TGFA: variants seen among roughly 807,000 people sequenced by gnomAD.
TGFA encodes transforming growth factor alpha.
In TGFA, 12 loss-of-function variants were observed where a neutral mutation model predicts 21.7. That is an observed-to-expected ratio of 0.55 (90% CI 0.35 to 0.90). The LOEUF is 0.90. Ranked by LOEUF, TGFA falls within the 40% of genes least tolerant of loss-of-function variation. The probability of loss-of-function intolerance (pLI) is 0.01; values close to 1 mark genes in which losing one functional copy is unlikely to be tolerated. For missense variants in TGFA, 178 were observed against 210.8 expected (o/e 0.84, Z 0.96); for synonymous variants, 79 against 88.1 (o/e 0.90, Z 0.58).
intron 1 of TGFA, among the ~76,000 whole-genome samples, chr2:70,533,635 TTGTTAACTG>T (rs1672885236): frequency 6.6e-6 from 1 of 152,228 alleles, no homozygotes; most frequent in African/African-American, 2.4e-5. Flanking sequence ...GCTGCTGGTC[TTGTTAACTG>T]TGTTAACTAT....
chr2:70,464,059 A>G (rs1358878458), intron 3 of TGFA, among the ~76,000 whole-genome samples: 1 of 152,174 alleles, frequency 6.6e-6, no homozygotes, highest in Non-Finnish European at 1.5e-5. Context: ...GCTCAGAGGC[A>G]CCCTGAGGGG....
chr2:70,521,609 G>GTTGTTTTTTTTTTTTTTTTTTTTTT (rs1432347684), intron 1 of TGFA, among the ~76,000 whole-genome samples: 2 of 78,874 alleles, frequency 2.5e-5, no homozygotes, highest in Non-Finnish European at 4.8e-5. Context: ...TTTTGTTGTT[G>GTTGTTTTTTTTTTTTTTTTTTTTTT]TTTGTTTGTT....
At chr2:70,479,801 G>A (rs940950978) in intron 2 of TGFA, among the ~76,000 whole-genome samples, 3 of 152,104 alleles carry the variant, frequency 2.0e-5, no homozygotes, top group East Asian at 3.8e-4. Context: ...CTTTGTAGCT[G>A]TTTCTTACTT....
chr2:70,470,154 AAG>A (rs1414652291), intron 2 of TGFA, among the ~76,000 whole-genome samples: 42 of 152,036 alleles, frequency 2.8e-4, no homozygotes, highest in African/African-American at 9.2e-4. Flanking sequence ...TGAGAGCGAT[AAG>A]AGAGAGAAGG....
intron 1 of TGFA, among the ~76,000 whole-genome samples, chr2:70,529,601 G>A (rs1553503488): frequency 1.6e-5 from 2 of 128,290 alleles, no homozygotes; most frequent in Admixed American, 7.6e-5. Context: ...CCCCGCCCCA[G>A]TCCTAGAAAA....
chr2:70,525,783 G>T (rs1672615112), intron 1 of TGFA, among the ~76,000 whole-genome samples: 1 of 152,156 alleles, frequency 6.6e-6, no homozygotes, highest in Admixed American at 6.5e-5. Context: ...ACTGCTGGTA[G>T]CAGATGCCCC....
intron 1 of TGFA, among the ~76,000 whole-genome samples, chr2:70,515,793 AG>A (rs1553501523): frequency 6.6e-6 from 1 of 152,170 alleles, no homozygotes; most frequent in African/African-American, 2.4e-5. Context: ...AAGAAAACCT[AG>A]GGGAGGCAGG....
intron 2 of TGFA, among the ~76,000 whole-genome samples, chr2:70,470,589 A>G (rs868924382): frequency 6.6e-6 from 1 of 152,194 alleles, no homozygotes; most frequent in African/African-American, 2.4e-5. Flanking sequence ...CGTGTAAACC[A>G]TCAGTTCTTT....
At chr2:70,530,624 A>G (rs1434247685) in intron 1 of TGFA, among the ~76,000 whole-genome samples, 1 of 152,230 alleles carries the variant, frequency 6.6e-6, no homozygotes, top group Non-Finnish European at 1.5e-5. Context: ...GTCTAAGGTA[A>G]CCCCAGGTTT....
chr2:70,522,743 G>A (rs944803663), intron 1 of TGFA, among the ~76,000 whole-genome samples: 26 of 152,158 alleles, frequency 1.7e-4, no homozygotes, highest in African/African-American at 4.6e-4. Flanking sequence ...AGGGGTACAC[G>A]TGCAGGATGT....
intron 1 of TGFA, among the ~76,000 whole-genome samples, chr2:70,531,361 A>G (rs182476818): frequency 2.0e-5 from 3 of 152,020 alleles, no homozygotes; most frequent in Admixed American, 1.3e-4. Flanking sequence ...GTCTAACAGG[A>G]CTCCGTAGTG....
chr2:70,526,275 GT>G (rs1291544793), intron 1 of TGFA, among the ~76,000 whole-genome samples: 3 of 152,150 alleles, frequency 2.0e-5, no homozygotes, highest in Non-Finnish European at 4.4e-5. Context: ...TATTTATAAA[GT>G]AACAAGACTG....
At chr2:70,509,454 C>A (rs1433489369) in intron 2 of TGFA, among the ~76,000 whole-genome samples, 1 of 152,242 alleles carries the variant, frequency 6.6e-6, no homozygotes. Flanking sequence ...AGGGTCACCA[C>A]TGAGATCTGA....
intron 2 of TGFA, 142 bp downstream of exon 2, chr2:70,514,717 T>G: frequency 1.1e-6 from 1 of 891,908 alleles, no homozygotes; most frequent in Non-Finnish European, 1.8e-6. Flanking sequence ...TCCTCGCCCC[T>G]GAGGAGGGGG....
intron 2 of TGFA, among the ~76,000 whole-genome samples, chr2:70,482,624 C>G (rs1671158343): frequency 6.6e-6 from 1 of 152,184 alleles, no homozygotes; most frequent in African/African-American, 2.4e-5. Flanking sequence ...TAAATCATTA[C>G]TCTTAACCTA....
At chr2:70,486,172 A>G (rs2103770988) in intron 2 of TGFA, among the ~76,000 whole-genome samples, 1 of 152,264 alleles carries the variant, frequency 6.6e-6, no homozygotes. Context: ...GGAGGTCTAT[A>G]TTTTGCCTCC....
intron 1 of TGFA, chr2:70,553,340 G>A (rs2103968617): frequency 6.7e-7 from 1 of 1,493,598 alleles, no homozygotes; most frequent in Non-Finnish European, 8.8e-7. Flanking sequence ...GTTCCGAGGC[G>A]GCCCAGTCTA....
chr2:70,455,901 G>A (rs782550365), intron 4 of TGFA, among the ~76,000 whole-genome samples: 2 of 152,192 alleles, frequency 1.3e-5, no homozygotes, highest in African/African-American at 4.8e-5. Context: ...CAGAATGATG[G>A]TCATCAGCCT....
intron 2 of TGFA, among the ~76,000 whole-genome samples, chr2:70,498,247 A>G (rs1259094209): frequency 6.6e-6 from 1 of 152,264 alleles, no homozygotes; most frequent in Non-Finnish European, 1.5e-5. Flanking sequence ...CAATACCACC[A>G]GGGACAATGT....
Sources: allele counts gnomAD v4.1 joint callset (sites outside exome capture counted in the v4.1 genomes callset), GRCh38; gene constraint gnomAD v4.1.1; transcripts MANE v1.5; gene names NCBI Gene and HGNC (gene_info 2026-07-23, HGNC 2026-07-21).